Variants in CAMKMT observed in about 807,000 individuals in gnomAD.
CAMKMT encodes the protein calmodulin-lysine N-methyltransferase, also known as CaM KMT.
In CAMKMT, 53 loss-of-function variants were observed where a neutral mutation model predicts 48.0. The ratio of observed to expected loss-of-function variants is 1.10; its 90% CI spans 0.89 to 1.39. The LOEUF (loss-of-function observed/expected upper bound fraction) is 1.39. Ranked by LOEUF, CAMKMT falls within the 40% of genes most tolerant of loss-of-function variation. The pLI, the probability that CAMKMT is intolerant of heterozygous loss-of-function variation, is 0.00. For missense variants in CAMKMT, 428 were observed against 402.7 expected, an observed-to-expected ratio of 1.06 and a Z score of -0.54; for synonymous variants, 165 against 152.3, an observed-to-expected ratio of 1.08 and a Z score of -0.61.
At chr2:44,711,826 T>G (rs189688235) in intron 6 of CAMKMT, among the ~76,000 whole-genome samples, 1 of 152,202 alleles carries the variant, frequency 6.6e-6, no homozygotes. Context: ...TCATTACTTC[T>G]GTTTTAGAGA....
At chr2:44,769,753 A>C (rs1272534298) in intron 10 of CAMKMT, among the ~76,000 whole-genome samples, 1 of 152,086 alleles carries the variant, frequency 6.6e-6, no homozygotes, top group African/African-American at 2.4e-5. Flanking sequence ...TGAAGTCAGT[A>C]CATTGTGTTA....
At chr2:44,434,504 C>A (rs1249250099) in intron 3 of CAMKMT, among the ~76,000 whole-genome samples, 3 of 152,102 alleles carry the variant, frequency 2.0e-5, no homozygotes, top group Non-Finnish European at 4.4e-5. Flanking sequence ...ACAATCTGAC[C>A]TAAGCTCTCC....
intron 3 of CAMKMT, among the ~76,000 whole-genome samples, chr2:44,491,039 T>C (rs1475174283): frequency 2.0e-5 from 3 of 151,246 alleles, no homozygotes; most frequent in African/African-American, 7.3e-5. Context: ...TAGTCTCAGC[T>C]ACTTGGGAGG....
chr2:44,460,837 CT>C (rs1470374153), intron 3 of CAMKMT, among the ~76,000 whole-genome samples: 2 of 151,146 alleles, frequency 1.3e-5, no homozygotes, highest in Admixed American at 6.6e-5. Context: ...ATTCTCCAGC[CT>C]CAGCCTCCCG....
chr2:44,457,836 A>G (rs1044002371), intron 3 of CAMKMT, among the ~76,000 whole-genome samples: 3 of 152,170 alleles, frequency 2.0e-5, no homozygotes, highest in Admixed American at 2.0e-4. Flanking sequence ...GAAATTCCAG[A>G]TGTTACAAAG....
At chr2:44,695,809 T>C (rs2104237807) in intron 3 of CAMKMT, among the ~76,000 whole-genome samples, 1 of 151,954 alleles carries the variant, frequency 6.6e-6, no homozygotes, top group Non-Finnish European at 1.5e-5. Context: ...TCTGGAGCCT[T>C]GAAGGCTCGG....
intron 3 of CAMKMT, among the ~76,000 whole-genome samples, chr2:44,419,928 C>T (rs544309798): frequency 4.6e-5 from 7 of 152,066 alleles, no homozygotes; most frequent in Admixed American, 1.3e-4. Context: ...TGCAAAGAGT[C>T]GTCTCACAGT....
At chr2:44,417,687 GT>G (rs1683652191) in intron 3 of CAMKMT, among the ~76,000 whole-genome samples, 1 of 152,194 alleles carries the variant, frequency 6.6e-6, no homozygotes, top group Non-Finnish European at 1.5e-5. Context: ...ATGTATGAGA[GT>G]TCCAGTTGCT....
chr2:44,396,590 A>G (rs1196748445), intron 3 of CAMKMT, among the ~76,000 whole-genome samples: 3 of 152,160 alleles, frequency 2.0e-5, no homozygotes, highest in Non-Finnish European at 4.4e-5. Context: ...AAAGAAGTTA[A>G]GCAGTAATCA....
At chr2:44,501,446 C>G (rs888952790) in intron 3 of CAMKMT, among the ~76,000 whole-genome samples, 2 of 152,076 alleles carry the variant, frequency 1.3e-5, no homozygotes, top group Non-Finnish European at 2.9e-5. Flanking sequence ...ATTTTAAATG[C>G]TACGTGTTTC....
intron 3 of CAMKMT, among the ~76,000 whole-genome samples, chr2:44,623,786 T>C (rs537238159): frequency 8.5e-5 from 13 of 152,304 alleles, no homozygotes; most frequent in Admixed American, 8.5e-4. Context: ...TTCCCACATG[T>C]CCCTTTTCAG....
chr2:44,395,099 T>G, intron 3 of CAMKMT: 2 of 391,128 alleles, frequency 5.1e-6, no homozygotes, highest in Non-Finnish European at 1.0e-5. Flanking sequence ...TAATAGTTTC[T>G]TTGGAAATAT....
chr2:44,376,444 C>T (rs1011605152), intron 2 of CAMKMT, among the ~76,000 whole-genome samples: 1 of 150,862 alleles, frequency 6.6e-6, no homozygotes, highest in Non-Finnish European at 1.5e-5. Context: ...AAAATAGACA[C>T]TGGGGATGTT....
chr2:44,578,504 T>TTTTAAGTGAAGAGGTGGGAAAA (rs1669365757), intron 3 of CAMKMT, among the ~76,000 whole-genome samples: 1 of 152,120 alleles, frequency 6.6e-6, no homozygotes, highest in Non-Finnish European at 1.5e-5. Context: ...ACTGAGGTAT[T>TTTTAAGTGAAGAGGTGGGAAAA]TTTAAGTGAA....
intron 3 of CAMKMT, among the ~76,000 whole-genome samples, chr2:44,433,036 C>T (rs1306769287): frequency 6.6e-6 from 1 of 152,140 alleles, no homozygotes; most frequent in African/African-American, 2.4e-5. Context: ...TCCTTATATT[C>T]TCTCTCAAAT....
chr2:44,695,703 C>A (rs1676904995), intron 3 of CAMKMT, among the ~76,000 whole-genome samples: 1 of 152,018 alleles, frequency 6.6e-6, no homozygotes, highest in African/African-American at 2.4e-5. Flanking sequence ...CATGCAATAG[C>A]AATAAAATTT....
Position 44,555,963 on chromosome 2 carries a change from G to A in CAMKMT, c.377-148320G>A, listed in dbSNP as rs563639573. Among the ~76,000 whole-genome samples the A allele has an allele frequency of 5.3e-5, 8 of 152,210 alleles. No homozygotes were observed. In the East Asian group the frequency reaches 9.7e-4, roughly 18 times the overall value. On this transcript the variant is annotated intron_variant, in intron 3 of 10. Coordinates refer to ENST00000378494, the MANE Select transcript of CAMKMT (RefSeq NM_024766.5). ...AGGAGTGGCAGCCAGATTGCAGTGGGCTAAGGGGTGAGTGAATGGGAGGAG... is the reference window on the plus strand; with the variant it reads ...AGGAGTGGCAGCCAGATTGCAGTGGACTAAGGGGTGAGTGAATGGGAGGAG...
chr2:44,670,404 C>T, intron 3 of CAMKMT, among the ~76,000 whole-genome samples: 1 of 152,068 alleles, frequency 6.6e-6, no homozygotes, highest in East Asian at 1.9e-4. Context: ...CATAGGGAGA[C>T]CCCATCTCTA....
intron 3 of CAMKMT, among the ~76,000 whole-genome samples, chr2:44,395,462 C>A (rs1020459459): frequency 6.6e-6 from 1 of 151,924 alleles, no homozygotes; most frequent in Non-Finnish European, 1.5e-5. Context: ...CAGATATATA[C>A]ATATACACAG....
Sources: gnomAD v4.1 joint callset for allele counts (sites outside exome capture counted in the v4.1 genomes callset) on GRCh38, gnomAD v4.1.1 for gene constraint, MANE v1.5 for transcripts, NCBI Gene and HGNC (gene_info 2026-07-23, HGNC 2026-07-21) for gene names.